LHPP: variants seen among roughly 807,000 people sequenced by gnomAD.
The protein encoded by LHPP is hLHPP.
LHPP carries 24 observed loss-of-function variants against 30.3 expected under a neutral mutation model. That is an observed-to-expected ratio of 0.79 (90% CI 0.57 to 1.11). The LOEUF is 1.11. Ranked by LOEUF, LHPP falls within the 50% of genes most tolerant of loss-of-function variation. The pLI, the probability that LHPP is intolerant of heterozygous loss-of-function variation, is 0.00. For missense variants in LHPP, 356 were observed against 367.2 expected (o/e 0.97, Z 0.25); for synonymous variants, 150 against 157.1 (o/e 0.95, Z 0.34).
intron 6 of LHPP, among the ~76,000 whole-genome samples, chr10:124,581,070 C>T (rs1398332310): frequency 1.3e-5 from 2 of 152,210 alleles, no homozygotes; most frequent in Non-Finnish European, 2.9e-5. Context: ...GTTACCTCCT[C>T]ATCTCTGTAA....
intron 1 of LHPP, among the ~76,000 whole-genome samples, chr10:124,469,621 C>CAT (rs1952669257): frequency 6.6e-6 from 1 of 152,090 alleles, no homozygotes; most frequent in Non-Finnish European, 1.5e-5. Flanking sequence ...CACACACACA[C>CAT]ATTCGTTCAT....
chr10:124,597,905 C>T (rs1327547228), intron 6 of LHPP, among the ~76,000 whole-genome samples: 1 of 152,238 alleles, frequency 6.6e-6, no homozygotes, highest in Non-Finnish European at 1.5e-5. Context: ...CAAGAGGCTG[C>T]TCTGCTCCAA....
At chr10:124,600,582 C>T (rs113070061) in intron 6 of LHPP, among the ~76,000 whole-genome samples, 69 of 152,384 alleles carry the variant, frequency 4.5e-4, no homozygotes, top group African/African-American at 1.6e-3. Flanking sequence ...GGGTCTCACG[C>T]AGTGGGGCCT....
chr10:124,601,721 CAG>C (rs1949024421), intron 6 of LHPP, among the ~76,000 whole-genome samples: 1 of 152,230 alleles, frequency 6.6e-6, no homozygotes, highest in Non-Finnish European at 1.5e-5. Flanking sequence ...TCCCTGTGGA[CAG>C]AGACTGGTGG....
intron 5 of LHPP, among the ~76,000 whole-genome samples, chr10:124,512,566 G>A (rs75612732): frequency 0.17 from 24,874 of 145,258 alleles, 3,027 homozygotes; most frequent in African/African-American, 0.32. Context: ...GCAGTGAGCC[G>A]AGATCGCGCC....
chr10:124,529,142 C>G (rs913770787), intron 6 of LHPP, among the ~76,000 whole-genome samples: 2 of 150,954 alleles, frequency 1.3e-5, no homozygotes, highest in African/African-American at 4.9e-5. Context: ...TGCCATTCTC[C>G]TGCCTCAGCC....
chr10:124,472,279 C>G lies in LHPP; in HGVS notation c.125+10292C>G, dbSNP rs142834341. On this transcript the variant is annotated intron_variant, in intron 1 of 6. Transcript: ENST00000368842. The stretch of plus-strand genomic sequence containing the variant: ...GGTGAGCCAAGATTGTGCTACTGCA[C>G]CCCAGCCTGGGAGACACAGCAAGAC... Among the ~76,000 whole-genome samples, 53 of 152,248 alleles carry G rather than the reference C, an allele frequency of 3.5e-4. No individual in the cohort carries two copies. In the East Asian group the frequency reaches 9.7e-3, roughly 28 times the overall value.
intron 6 of LHPP, among the ~76,000 whole-genome samples, chr10:124,595,640 T>C (rs4962667): frequency 0.55 from 83,170 of 151,860 alleles, 23,126 homozygotes; most frequent in East Asian, 0.8. Flanking sequence ...AGATATCTCC[T>C]TTCTTCCTTA....
At chr10:124,530,617 A>C in intron 6 of LHPP, among the ~76,000 whole-genome samples, 1 of 150,238 alleles carries the variant, frequency 6.7e-6, no homozygotes. Context: ...CTCACACCCC[A>C]CTCATTCCCT....
intron 6 of LHPP, among the ~76,000 whole-genome samples, chr10:124,542,021 C>G (rs1484747822): frequency 2.6e-5 from 4 of 152,104 alleles, no homozygotes; most frequent in African/African-American, 9.6e-5. Context: ...AGACACCTCT[C>G]CAGCTGAGGC....
At chr10:124,544,717 T>C (rs1589849372) in intron 6 of LHPP, among the ~76,000 whole-genome samples, 1 of 152,090 alleles carries the variant, frequency 6.6e-6, no homozygotes, top group Non-Finnish European at 1.5e-5. Context: ...CGGGCCTCGG[T>C]GTTCTCGTCT....
intron 6 of LHPP, among the ~76,000 whole-genome samples, chr10:124,525,285 A>G (rs895361879): frequency 6.6e-6 from 1 of 152,116 alleles, no homozygotes; most frequent in African/African-American, 2.4e-5. Flanking sequence ...GCTGCCAGGA[A>G]TGTTCTGGTT....
intron 1 of LHPP, among the ~76,000 whole-genome samples, chr10:124,472,696 T>A (rs1436457197): frequency 6.6e-6 from 1 of 152,076 alleles, no homozygotes; most frequent in Non-Finnish European, 1.5e-5. Context: ...TAGCTGGGAC[T>A]ACAGGCGCCT....
intron 6 of LHPP, among the ~76,000 whole-genome samples, chr10:124,609,597 A>G (rs1407244165): frequency 6.6e-6 from 1 of 152,200 alleles, no homozygotes; most frequent in Admixed American, 6.5e-5. Flanking sequence ...AAAGTGCTCT[A>G]AAAGTGAAGA....
intron 4 of LHPP, 24 bp from the exon 5 acceptor site, chr10:124,498,012 C>T (rs774800581): frequency 2.5e-6 from 4 of 1,585,970 alleles, no homozygotes; most frequent in South Asian, 1.1e-5. Flanking sequence ...CAAACTTATG[C>T]CATGTCCCTC....
intron 1 of LHPP, among the ~76,000 whole-genome samples, chr10:124,475,706 C>G (rs1234290284): frequency 6.6e-6 from 1 of 152,032 alleles, no homozygotes; most frequent in Non-Finnish European, 1.5e-5. Flanking sequence ...CCGAGCTGAG[C>G]TCCCACCTTA....
intron 6 of LHPP, among the ~76,000 whole-genome samples, chr10:124,600,074 GGGGACATGAGTGCTC>G (rs1272449036): frequency 6.6e-6 from 1 of 152,222 alleles, no homozygotes; most frequent in Non-Finnish European, 1.5e-5. Flanking sequence ...AGGGGCAGTT[GGGGACATGAGTGCTC>G]GGGAGCGGGG....
chr10:124,506,235 T>G (rs77753928), intron 5 of LHPP, among the ~76,000 whole-genome samples: 3,857 of 149,250 alleles, frequency 0.026, 162 homozygotes, highest in African/African-American at 0.09. Flanking sequence ...GACAAGAGAG[T>G]AAGACCTTGT....
At chr10:124,462,111 C>G (rs558326129) in intron 1 of LHPP, 124 bp downstream of exon 1, 132 of 925,258 alleles carry the variant, frequency 1.4e-4, no homozygotes, top group Admixed American at 3.9e-4. Flanking sequence ...TCGGTCTCCC[C>G]CTTCCCACCC....
Sources: allele counts gnomAD v4.1 joint callset (sites outside exome capture counted in the v4.1 genomes callset), GRCh38; gene constraint gnomAD v4.1.1; transcripts MANE v1.5; gene names NCBI Gene and HGNC (gene_info 2026-07-23, HGNC 2026-07-21).